Variants in SIRPD observed in about 807,000 individuals in gnomAD.
SIRPD encodes signal regulatory protein delta.
Under a neutral mutation model 18.0 loss-of-function variants are expected in SIRPD, and 21 were observed. The ratio of observed to expected loss-of-function variants is 1.17; its 90% CI spans 0.83 to 1.68. The LOEUF (loss-of-function observed/expected upper bound fraction) is 1.68, where lower values mean the gene tolerates loss of function less well. SIRPD is among the 40% of genes most tolerant of loss of function. The pLI, the probability that SIRPD is intolerant of heterozygous loss-of-function variation, is 0.00. For missense variants in SIRPD, 295 were observed against 238.4 expected (o/e 1.24, Z -1.56); for synonymous variants, 106 against 92.9 (o/e 1.14, Z -0.81).
Position 1,543,602 on chromosome 20 carries a change from T to G in SIRPD, c.422-6292A>C, listed in dbSNP as rs193225344. On this transcript the variant is annotated intron_variant, in intron 2 of 3. Transcript: ENST00000381623. Reference sequence around the variant, plus strand: ...TGATTCACTGATTTTTTGAAGGGTGTTTTGTGTCTCTATTTCCTTCAGTTC... The same window carrying G: ...TGATTCACTGATTTTTTGAAGGGTGGTTTGTGTCTCTATTTCCTTCAGTTC... 7.2e-5 allele frequency among the ~76,000 whole-genome samples: 11 copies of G among 152,318 alleles called. No individual in the cohort carries two copies. In the East Asian group the frequency reaches 1.9e-3, roughly 27 times the overall value.
At chr20:1,546,185 C>T (rs1213616944) in intron 2 of SIRPD, among the ~76,000 whole-genome samples, 1 of 152,208 alleles carries the variant, frequency 6.6e-6, no homozygotes, top group Non-Finnish European at 1.5e-5. Flanking sequence ...AGCCGGCAGG[C>T]AGGAATGTTT....
At chr20:1,551,114 T>C (rs1302224525) in intron 2 of SIRPD, among the ~76,000 whole-genome samples, 4 of 152,230 alleles carry the variant, frequency 2.6e-5, no homozygotes, top group Non-Finnish European at 5.9e-5. Flanking sequence ...AGATGTTTTC[T>C]TTCACATTAT....
intron 1 of SIRPD, among the ~76,000 whole-genome samples, chr20:1,557,052 A>G (rs1030471817): frequency 6.6e-6 from 1 of 152,300 alleles, no homozygotes; most frequent in Non-Finnish European, 1.5e-5. Flanking sequence ...CATAAGTTTG[A>G]GACCAGCCTG....
At chr20:1,536,383 A>C (rs550196377) in intron 3 of SIRPD, among the ~76,000 whole-genome samples, 2 of 144,202 alleles carry the variant, frequency 1.4e-5, no homozygotes, top group Admixed American at 7.1e-5. Context: ...TGAAACTTGC[A>C]TTTGAACCCC....
At chr20:1,539,902 A>G (rs2090963092) in intron 2 of SIRPD, among the ~76,000 whole-genome samples, 1 of 152,152 alleles carries the variant, frequency 6.6e-6, no homozygotes, top group African/African-American at 2.4e-5. Context: ...GAGCCTTTGG[A>G]TTATTGCATT....
At chr20:1,552,075 G>A in intron 1 of SIRPD, 37 bp from the exon 2 acceptor site, 2 of 1,572,758 alleles carry the variant, frequency 1.3e-6, no homozygotes, top group Non-Finnish European at 1.7e-6. Context: ...CATTTCCCCT[G>A]TTCTGGCTTA....
At chr20:1,538,010 G>T (rs2090955040) in intron 2 of SIRPD, among the ~76,000 whole-genome samples, 1 of 152,088 alleles carries the variant, frequency 6.6e-6, no homozygotes, top group African/African-American at 2.4e-5. Flanking sequence ...GGAGAAGGGA[G>T]TGGAGGAGAT....
At chr20:1,534,498 A>T in intron 3 of SIRPD, 57 bp from the exon 4 acceptor site, 1 of 1,507,358 alleles carries the variant, frequency 6.6e-7, no homozygotes. Context: ...GCAAGCTAAG[A>T]GCAGACACAA....
chr20:1,541,267 AT>A (rs941444811), intron 2 of SIRPD, among the ~76,000 whole-genome samples: 53 of 152,274 alleles, frequency 3.5e-4, no homozygotes, highest in Middle Eastern at 3.4e-3. Flanking sequence ...GTGTAAAAGC[AT>A]TCCTATTTCT....
intron 1 of SIRPD, among the ~76,000 whole-genome samples, chr20:1,555,449 G>T (rs1396065803): frequency 6.6e-6 from 1 of 152,136 alleles, no homozygotes; most frequent in African/African-American, 2.4e-5. Context: ...TATAGTTAAT[G>T]CATACTTCAA....
At chr20:1,538,592 A>G (rs532194820) in intron 2 of SIRPD, among the ~76,000 whole-genome samples, 3 of 152,210 alleles carry the variant, frequency 2.0e-5, no homozygotes, top group Admixed American at 2.0e-4. Flanking sequence ...AGGCTAGACC[A>G]TAATAATTCC....
At chr20:1,545,829 T>C (rs1310178549) in intron 2 of SIRPD, among the ~76,000 whole-genome samples, 6 of 152,214 alleles carry the variant, frequency 3.9e-5, no homozygotes, top group Admixed American at 3.9e-4. Context: ...TTGATGTTGA[T>C]CCTGTTGCTT....
At chr20:1,553,654 A>C (rs1003175013) in intron 1 of SIRPD, among the ~76,000 whole-genome samples, 2 of 152,152 alleles carry the variant, frequency 1.3e-5, no homozygotes, top group Admixed American at 6.5e-5. Context: ...ATGTAGTTGC[A>C]CCTTGCATAT....
intron 1 of SIRPD, among the ~76,000 whole-genome samples, chr20:1,556,508 T>C (rs2091042103): frequency 6.6e-6 from 1 of 152,238 alleles, no homozygotes; most frequent in Admixed American, 6.5e-5. Flanking sequence ...CCGAAATATA[T>C]GTTGAAGTCT....
At chr20:1,546,676 A>G (rs1010914278) in intron 2 of SIRPD, among the ~76,000 whole-genome samples, 1 of 152,230 alleles carries the variant, frequency 6.6e-6, no homozygotes, top group Non-Finnish European at 1.5e-5. Context: ...TATTTTCCAA[A>G]GTGGCTTCAC....
chr20:1,540,327 T>A (rs535197159), intron 2 of SIRPD: 5 of 456,054 alleles, frequency 1.1e-5, no homozygotes, highest in Admixed American at 2.3e-5. Context: ...CTTCTAGAAC[T>A]GTAAGAGACT....
At chr20:1,538,657 G>A (rs1019678143) in intron 2 of SIRPD, among the ~76,000 whole-genome samples, 1 of 152,212 alleles carries the variant, frequency 6.6e-6, no homozygotes, top group Non-Finnish European at 1.5e-5. Context: ...TTGCCACCAT[G>A]CTATGAGGAA....
At chr20:1,546,864 T>C (rs1166002084) in intron 2 of SIRPD, among the ~76,000 whole-genome samples, 1 of 152,250 alleles carries the variant, frequency 6.6e-6, no homozygotes, top group Admixed American at 6.5e-5. Flanking sequence ...GATGTGCTTA[T>C]TGGCAATTTG....
At chr20:1,538,497 C>G (rs1055688966) in intron 2 of SIRPD, among the ~76,000 whole-genome samples, 1 of 152,144 alleles carries the variant, frequency 6.6e-6, no homozygotes, top group African/African-American at 2.4e-5. Context: ...CGACACTCTT[C>G]CCATGGAGAT....
Sources: allele counts gnomAD v4.1 joint callset (sites outside exome capture counted in the v4.1 genomes callset), GRCh38; gene constraint gnomAD v4.1.1; transcripts MANE v1.5; gene names NCBI Gene and HGNC (gene_info 2026-07-23, HGNC 2026-07-21).